The following HTR4 variants were observed in gnomAD, a reference collection of about 807,000 sequenced individuals.
HTR4 encodes the protein 5-hydroxytryptamine receptor 4.
HTR4 carries 16 observed loss-of-function variants against 36.8 expected under a neutral mutation model. The observed-to-expected ratio is 0.43, with a 90% CI of 0.29 to 0.66. The LOEUF (loss-of-function observed/expected upper bound fraction) is 0.66. HTR4 is among the 30% of genes least tolerant of loss of function. The probability of loss-of-function intolerance (pLI) is 0.13; values close to 1 mark genes in which losing one functional copy is unlikely to be tolerated. For missense variants in HTR4, 438 were observed against 490.9 expected (o/e 0.89, Z 1.02); for synonymous variants, 189 against 185.1 (o/e 1.02, Z -0.17).
intron 6 of HTR4, chr5:148,484,356 T>C (rs200574067): frequency 3.7e-6 from 6 of 1,612,630 alleles, no homozygotes; most frequent in Non-Finnish European, 5.1e-6. Context: ...TGCTAAAATG[T>C]CTCTGTCAAA....
chr5:148,552,193 G>C (rs1421062274), intron 2 of HTR4, among the ~76,000 whole-genome samples: 3 of 152,212 alleles, frequency 2.0e-5, no homozygotes, highest in Non-Finnish European at 1.5e-5. Context: ...TGGAGAATGA[G>C]AAAGTCCCTC....
At chr5:148,529,810 T>C (rs906765689) in intron 4 of HTR4, among the ~76,000 whole-genome samples, 2 of 152,216 alleles carry the variant, frequency 1.3e-5, no homozygotes, top group African/African-American at 2.4e-5. Flanking sequence ...GCCAAAATGC[T>C]GATAATGATA....
chr5:148,516,312 C>CTTTTT (rs954784476), intron 5 of HTR4, among the ~76,000 whole-genome samples: 33 of 76,492 alleles, frequency 4.3e-4, no homozygotes, highest in Non-Finnish European at 5.6e-4. Flanking sequence ...ATTCCCCCCT[C>CTTTTT]TTTTTTTTTT....
intron 6 of HTR4, among the ~76,000 whole-genome samples, chr5:148,488,747 T>A (rs1178220154): frequency 1.3e-5 from 2 of 152,220 alleles, no homozygotes; most frequent in African/African-American, 4.8e-5. Context: ...CTTTCTACTG[T>A]CTTTTGAAGC....
At chr5:148,629,750 A>T (rs1753255102) in intron 2 of HTR4, 1 of 152,194 alleles carries the variant, frequency 6.6e-6, no homozygotes, top group Non-Finnish European at 1.5e-5. Context: ...AGGTTTCTGA[A>T]GCCGGGTGAA....
intron 4 of HTR4, among the ~76,000 whole-genome samples, chr5:148,532,355 T>G (rs938802032): frequency 2.0e-5 from 3 of 152,246 alleles, no homozygotes; most frequent in African/African-American, 7.2e-5. Flanking sequence ...AATGTTTGCC[T>G]TGTTCTGCTT....
At position 148,541,237 on chromosome 5, in the gene HTR4, T is replaced by TA. The variant is rs1759102143; in HGVS notation, c.353+7430dup. Among the ~76,000 whole-genome samples the TA allele has an allele frequency of 1.3e-5, 2 of 152,168 alleles. 1 individual carries two copies. Among genetic ancestry groups the TA allele is most frequent in the South Asian group, 4.1e-4 (2 of 4,822 alleles). ...AGCCTAGCACCTCAGGTCTCATTCT[T>TA]AACCACTTTCTATATTAAGAGTTCT... On this transcript the variant is annotated intron_variant, in intron 4 of 6. Coordinates refer to ENST00000377888, the MANE Select transcript of HTR4 (RefSeq NM_000870.7).
chr5:148,531,925 C>T (rs1241434765), intron 4 of HTR4, among the ~76,000 whole-genome samples: 1 of 152,076 alleles, frequency 6.6e-6, no homozygotes, highest in Non-Finnish European at 1.5e-5. Flanking sequence ...TTGTTGTTGT[C>T]ACAATTGGGA....
chr5:148,529,889 G>A (rs147378964), intron 4 of HTR4, among the ~76,000 whole-genome samples: 2,309 of 152,286 alleles, frequency 0.015, 23 homozygotes, highest in Middle Eastern at 0.048. Flanking sequence ...CTGGAGCAAA[G>A]GTGGCTCTTG....
At chr5:148,608,989 A>G (rs1234393959) in intron 2 of HTR4, among the ~76,000 whole-genome samples, 2 of 152,176 alleles carry the variant, frequency 1.3e-5, no homozygotes, top group African/African-American at 2.4e-5. Context: ...GATTCTTACA[A>G]CAGACAAGGG....
intron 6 of HTR4, among the ~76,000 whole-genome samples, chr5:148,488,886 G>A (rs577873672): frequency 2.3e-4 from 35 of 152,246 alleles, no homozygotes; most frequent in Middle Eastern, 3.4e-3. Context: ...ACCAAAGTGC[G>A]AGATCAAATC....
At chr5:148,551,520 G>A (rs1419545442) in intron 2 of HTR4, among the ~76,000 whole-genome samples, 1 of 152,174 alleles carries the variant, frequency 6.6e-6, no homozygotes, top group Non-Finnish European at 1.5e-5. Flanking sequence ...TGAAAATGAA[G>A]ATCCCTTTTC....
chr5:148,523,570 G>C (rs1032512599), intron 4 of HTR4, among the ~76,000 whole-genome samples: 13 of 151,848 alleles, frequency 8.6e-5, no homozygotes, highest in African/African-American at 2.7e-4. Flanking sequence ...CAGAGGAAGG[G>C]AAAAAGAAGG....
intron 6 of HTR4, among the ~76,000 whole-genome samples, chr5:148,503,819 C>T (rs1388717802): frequency 6.6e-6 from 1 of 150,856 alleles, no homozygotes; most frequent in Non-Finnish European, 1.5e-5. Context: ...AACTGGAAAA[C>T]AAAAAAAAGG....
chr5:148,485,060 A>G (rs1756085465), intron 6 of HTR4, among the ~76,000 whole-genome samples: 2 of 152,160 alleles, frequency 1.3e-5, no homozygotes, highest in Non-Finnish European at 2.9e-5. Flanking sequence ...GAAGGAAGGG[A>G]AAGAGGGAGA....
chr5:148,599,393 T>G (rs1761900195), intron 2 of HTR4, among the ~76,000 whole-genome samples: 1 of 151,388 alleles, frequency 6.6e-6, no homozygotes, highest in Admixed American at 6.6e-5. Context: ...GCTTGGGAGG[T>G]GGGGAGGAAA....
intron 1 of HTR4, among the ~76,000 whole-genome samples, chr5:148,649,560 T>C (rs764671437): frequency 2.6e-4 from 39 of 152,186 alleles, no homozygotes; most frequent in Non-Finnish European, 4.0e-4. Flanking sequence ...GATTACTCTG[T>C]AAGTAATGAG....
At chr5:148,566,479 G>T (rs1388989833) in intron 2 of HTR4, among the ~76,000 whole-genome samples, 1 of 152,132 alleles carries the variant, frequency 6.6e-6, no homozygotes, top group Non-Finnish European at 1.5e-5. Flanking sequence ...AGGGATCTGT[G>T]GACGTGGTGG....
chr5:148,454,687 A>G (rs1287711680), intron 5 of HTR4, among the ~76,000 whole-genome samples: 1 of 152,130 alleles, frequency 6.6e-6, no homozygotes, highest in Non-Finnish European at 1.5e-5. Flanking sequence ...TGATTTCCCT[A>G]TCAACAGACT....
Sources: allele counts gnomAD v4.1 joint callset (sites outside exome capture counted in the v4.1 genomes callset), GRCh38; gene constraint gnomAD v4.1.1; transcripts MANE v1.5; gene names NCBI Gene and HGNC (gene_info 2026-07-23, HGNC 2026-07-21).